CAMTA1: variants seen among roughly 807,000 people sequenced by gnomAD.
CAMTA1 encodes the protein calmodulin-binding transcription activator 1.
Under a neutral mutation model 170.9 loss-of-function variants are expected in CAMTA1, and 27 were observed. The ratio of observed to expected loss-of-function variants is 0.16; its 90% CI spans 0.12 to 0.22. The LOEUF (loss-of-function observed/expected upper bound fraction) is 0.22, where lower values mean the gene tolerates loss of function less well. CAMTA1 is among the 10% of genes least tolerant of loss of function. CAMTA1 has a pLI of 1.00. For missense variants in CAMTA1, 1,619 were observed against 2,217.2 expected, an observed-to-expected ratio of 0.73 and a Z score of 5.42; for synonymous variants, 833 against 891.5, an observed-to-expected ratio of 0.93 and a Z score of 1.17.
rs1659634506 is a variant in CAMTA1, at chr1:6,849,695, TG to T, written c.234+24486del. Among the ~76,000 whole-genome samples, 6 of 151,382 alleles carry T rather than the reference TG, an allele frequency of 4.0e-5. No individual in the cohort carries two copies. In the South Asian group the frequency reaches 1.3e-3, roughly 32 times the overall value. The stretch of plus-strand genomic sequence containing the variant: ...CAGTTTTGAGGAGGAAATGGAGGGC[TG>T]TTTATTTAAATGGACATTTGGGACA... On this transcript the variant is annotated intron_variant, in intron 3 of 22. Coordinates refer to ENST00000303635, the MANE Select transcript of CAMTA1 (RefSeq NM_015215.4).
At position 7,379,884 on chromosome 1, in the gene CAMTA1, C is replaced by T. The variant is rs1188597843; in HGVS notation, c.439-87946C>T. ...CGAACCGACAAAGCCTGTCTGCGTG[C>T]GTCTGCCTTGCGCCATGGAGCAGAG... On this transcript the variant is annotated intron_variant, in intron 5 of 22. Transcript: ENST00000303635. 3.9e-5 allele frequency among the ~76,000 whole-genome samples: 6 copies of T among 152,334 alleles called. No homozygotes were observed. In the East Asian group the frequency reaches 5.8e-4, roughly 15 times the overall value.
intron 3 of CAMTA1, among the ~76,000 whole-genome samples, chr1:6,860,623 A>C (rs957474625): frequency 6.6e-6 from 1 of 152,010 alleles, no homozygotes; most frequent in African/African-American, 2.4e-5. Context: ...TTAAAGGTCT[A>C]TCAGGGCCGG....
chr1:7,342,851 A>G (rs1034405987), intron 5 of CAMTA1, among the ~76,000 whole-genome samples: 6 of 152,134 alleles, frequency 3.9e-5, no homozygotes, highest in East Asian at 1.9e-4. Context: ...CACCTCCCCA[A>G]CTGTTTTCTG....
In CAMTA1 at chr1:7,604,976, T is replaced by C. The variant is rs538102721; in HGVS notation, c.511-35424T>C. On this transcript the variant is annotated intron_variant, in intron 6 of 22. Transcript: ENST00000303635. ...ACCCTGTTTGCCTGGATATCAGCAGTGGAGGCCACAGAACAGCGGATATTG... is the reference window on the plus strand; with the variant it reads ...ACCCTGTTTGCCTGGATATCAGCAGCGGAGGCCACAGAACAGCGGATATTG... Among the ~76,000 whole-genome samples, 6 of 150,000 alleles carry C rather than the reference T, an allele frequency of 4.0e-5. No individual in the cohort carries two copies. In the South Asian group the frequency reaches 6.3e-4, roughly 16 times the overall value.
At position 6,959,448 on chromosome 1, in the gene CAMTA1, G is replaced by A. The variant is rs1467647436; in HGVS notation, c.235-131856G>A. On this transcript the variant is annotated intron_variant, in intron 3 of 22. Transcript: ENST00000303635. The stretch of plus-strand genomic sequence containing the variant: ...GCTCAGAGCAGGCCCAGGGCGACTG[G>A]TAATCAGATTGTCAGTCAGTGTTTC... Among the ~76,000 whole-genome samples the A allele has an allele frequency of 2.0e-5, 3 of 152,184 alleles. No homozygotes were observed. In the East Asian group the frequency reaches 5.8e-4, roughly 29 times the overall value.
intron 6 of CAMTA1, among the ~76,000 whole-genome samples, chr1:7,586,130 T>TCCACTCCCAGCCAGGCA (rs2095307729): frequency 6.6e-6 from 1 of 151,870 alleles, no homozygotes; most frequent in Non-Finnish European, 1.5e-5. Context: ...CCAGCCAGGC[T>TCCACTCCCAGCCAGGCA]CCACTCCCAG....
chr1:7,043,261 G>T (rs1035273704), intron 3 of CAMTA1, among the ~76,000 whole-genome samples: 1 of 152,242 alleles, frequency 6.6e-6, no homozygotes. Flanking sequence ...ACCCTGAGCT[G>T]CATTCTCAAA....
chr1:7,743,849 C>T lies in CAMTA1; in HGVS notation c.4183-986C>T, dbSNP rs182456065. The stretch of plus-strand genomic sequence containing the variant: ...TTTCTTTTCTTTTTTTTTTCTGAGA[C>T]GGAGTCTTACTCTGTCGCCCAGGCT... On this transcript the variant is annotated intron_variant, in intron 16 of 22. Transcript: ENST00000303635. 1.1e-4 allele frequency among the ~76,000 whole-genome samples: 16 copies of T among 148,304 alleles called. No homozygotes were observed. In the East Asian group the frequency reaches 1.8e-3, roughly 16 times the overall value.
At chr1:7,490,266 G>C (rs1206617015) in intron 6 of CAMTA1, among the ~76,000 whole-genome samples, 1 of 152,254 alleles carries the variant, frequency 6.6e-6, no homozygotes, top group African/African-American at 2.4e-5. Flanking sequence ...TTCCATAAGA[G>C]ATGCAGTTAG....
chr1:7,428,197 G>A (rs2091964137), intron 5 of CAMTA1, among the ~76,000 whole-genome samples: 1 of 152,116 alleles, frequency 6.6e-6, no homozygotes, highest in Non-Finnish European at 1.5e-5. Flanking sequence ...GGTACTGTTG[G>A]GAAGCACAGC....
At chr1:6,844,241 A>T (rs1349982281) in intron 3 of CAMTA1, among the ~76,000 whole-genome samples, 1 of 152,168 alleles carries the variant, frequency 6.6e-6, no homozygotes, top group African/African-American at 2.4e-5. Flanking sequence ...GAGAGTAGGG[A>T]GGATATATTA....
chr1:6,795,767 C>T (rs946471282), intron 1 of CAMTA1, among the ~76,000 whole-genome samples: 2 of 152,116 alleles, frequency 1.3e-5, no homozygotes, highest in African/African-American at 4.8e-5. Flanking sequence ...TGAACTATGA[C>T]GTCAGCATTT....
intron 3 of CAMTA1, among the ~76,000 whole-genome samples, chr1:6,828,965 C>T (rs1331454664): frequency 7.0e-6 from 1 of 142,600 alleles, no homozygotes; most frequent in Non-Finnish European, 1.5e-5. Flanking sequence ...GGTGTCATCT[C>T]AGCTCCCTGC....
At position 7,561,872 on chromosome 1, in the gene CAMTA1, A is replaced by G. The variant is rs1369693694; in HGVS notation, c.511-78528A>G. Among the ~76,000 whole-genome samples the G allele has an allele frequency of 1.3e-5, 2 of 152,148 alleles. No homozygotes were observed. Among genetic ancestry groups the G allele is most frequent in the Non-Finnish European group, 2.9e-5 (2 of 68,014 alleles). On this transcript the variant is annotated intron_variant, in intron 6 of 22. Coordinates refer to ENST00000303635, the MANE Select transcript of CAMTA1 (RefSeq NM_015215.4). This position sits in a 1 kb window ranked among gnomAD's most constrained non-coding sequence, Gnocchi z 5.3. ...GCCTGCACGCCGGCCTGGAGGAGGA[A>G]GCCATCCTCGAGGCAGCCTTCACCA...
At chr1:7,417,745 T>G (rs2796488) in intron 5 of CAMTA1, among the ~76,000 whole-genome samples, 1 of 152,118 alleles carries the variant, frequency 6.6e-6, no homozygotes, top group African/African-American at 2.4e-5. Context: ...AATGCCTCGC[T>G]GTGCTTCGGC....
chr1:7,692,785 C>T (rs373520797), intron 11 of CAMTA1, among the ~76,000 whole-genome samples: 48 of 152,282 alleles, frequency 3.2e-4, no homozygotes, highest in African/African-American at 1.1e-3. Context: ...GGTGGCAGCC[C>T]GTCCACCCAC....
At chr1:6,801,455 C>G (rs1643822651) in intron 1 of CAMTA1, among the ~76,000 whole-genome samples, 1 of 152,100 alleles carries the variant, frequency 6.6e-6, no homozygotes, top group African/African-American at 2.4e-5. Flanking sequence ...ACTGTCCTGC[C>G]ACAGTCCTGC....
chr1:7,166,736 C>T (rs1648529261), intron 4 of CAMTA1, among the ~76,000 whole-genome samples: 1 of 147,104 alleles, frequency 6.8e-6, no homozygotes, highest in African/African-American at 2.5e-5. Flanking sequence ...CAACTGTTTT[C>T]TTCATTTTGA....
intron 5 of CAMTA1, among the ~76,000 whole-genome samples, chr1:7,424,304 C>G (rs2091753848): frequency 6.6e-6 from 1 of 152,156 alleles, no homozygotes; most frequent in African/African-American, 2.4e-5. Flanking sequence ...GAGGTCCTCC[C>G]CAACCCACTT....
Sources: gnomAD v4.1 joint callset for allele counts (sites outside exome capture counted in the v4.1 genomes callset) on GRCh38, gnomAD v4.1.1 for gene constraint, Gnocchi (gnomAD v3.1) non-coding constraint, MANE v1.5 for transcripts, NCBI Gene and HGNC (gene_info 2026-07-23, HGNC 2026-07-21) for gene names.